TSPAN12: variants seen among roughly 807,000 people sequenced by gnomAD.
TSPAN12 encodes the protein tetraspanin-12.
Under a neutral mutation model 39.2 loss-of-function variants are expected in TSPAN12, and 19 were observed. That is an observed-to-expected ratio of 0.49 (90% CI 0.34 to 0.71). TSPAN12 has a LOEUF of 0.71. Ranked by LOEUF, TSPAN12 falls within the 30% of genes least tolerant of loss-of-function variation. The pLI is 0.01. For missense variants in TSPAN12, 314 were observed against 359.9 expected (o/e 0.87, Z 1.03); for synonymous variants, 119 against 124.8 (o/e 0.95, Z 0.31).
chr7:120,815,643 C>A (rs150457239), intron 5 of TSPAN12, 86 bp downstream of exon 5: 8 of 1,196,322 alleles, frequency 6.7e-6, no homozygotes, highest in Admixed American at 3.8e-5. Flanking sequence ...TCTTTCATAG[C>A]GGAGTGAAAA....
chr7:120,849,277 CAT>C (rs555085981), intron 2 of TSPAN12, among the ~76,000 whole-genome samples: 5 of 152,198 alleles, frequency 3.3e-5, no homozygotes, highest in Non-Finnish European at 5.9e-5. Context: ...TATTTGGAAA[CAT>C]AAAATTTGCA....
intron 4 of TSPAN12, among the ~76,000 whole-genome samples, chr7:120,828,533 C>G (rs772583394): frequency 6.6e-6 from 1 of 152,118 alleles, no homozygotes; most frequent in Non-Finnish European, 1.5e-5. Flanking sequence ...CCACTGTCCA[C>G]CAACCACTCA....
chr7:120,799,514 A>T (rs1397965862), intron 7 of TSPAN12, among the ~76,000 whole-genome samples: 2 of 105,804 alleles, frequency 1.9e-5, no homozygotes, highest in African/African-American at 7.6e-5. Flanking sequence ...AATTAATTAT[A>T]TATAATTAAT....
At position 120,833,869 on chromosome 7, in the gene TSPAN12, G is replaced by A. The variant is rs998895994; in HGVS notation, c.285+4908C>T. Among the ~76,000 whole-genome samples, 13 of 152,060 alleles carry A rather than the reference G, an allele frequency of 8.5e-5. 1 individual carries two copies. Among genetic ancestry groups the A allele is most frequent in the South Asian group, 4.1e-4 (2 of 4,824 alleles). On this transcript the variant is annotated intron_variant, in intron 4 of 7. Transcript: ENST00000222747. The stretch of plus-strand genomic sequence containing the variant: ...TGCAATAACAAATGAATTTCATTTC[G>A]TCTACAGCTAAAGCCTTGGGAAGTA...
intron 2 of TSPAN12, among the ~76,000 whole-genome samples, chr7:120,842,934 C>T (rs1288894529): frequency 6.6e-6 from 1 of 151,650 alleles, no homozygotes; most frequent in Non-Finnish European, 1.5e-5. Context: ...TTTAAAAACC[C>T]TTTCTGAAAT....
intron 4 of TSPAN12, among the ~76,000 whole-genome samples, chr7:120,824,403 T>C (rs1037026578): frequency 6.6e-6 from 1 of 151,894 alleles, no homozygotes; most frequent in African/African-American, 2.4e-5. Flanking sequence ...GATGGTACCA[T>C]TGCACTCTAG....
chr7:120,822,656 G>A (rs1794209513), intron 4 of TSPAN12, among the ~76,000 whole-genome samples: 1 of 152,018 alleles, frequency 6.6e-6, no homozygotes, highest in Non-Finnish European at 1.5e-5. Context: ...CCTGAGGTGG[G>A]GATAAAGAGA....
intron 7 of TSPAN12, among the ~76,000 whole-genome samples, chr7:120,792,592 C>G (rs965001937): frequency 1.8e-4 from 27 of 152,254 alleles, no homozygotes; most frequent in Admixed American, 1.3e-3. Flanking sequence ...TCTGTGCACC[C>G]TTGGTAAAGG....
At chr7:120,849,145 A>G (rs1041110449) in intron 2 of TSPAN12, among the ~76,000 whole-genome samples, 2 of 152,244 alleles carry the variant, frequency 1.3e-5, no homozygotes, top group Non-Finnish European at 2.9e-5. Flanking sequence ...CTGAAGCTCA[A>G]GGAGATATTT....
At chr7:120,845,328 C>G (rs1794650649) in intron 2 of TSPAN12, among the ~76,000 whole-genome samples, 1 of 152,190 alleles carries the variant, frequency 6.6e-6, no homozygotes, top group African/African-American at 2.4e-5. Context: ...ATATTCAGCT[C>G]CCCTTTGCTT....
At chr7:120,838,376 T>G (rs1794517961) in intron 4 of TSPAN12, among the ~76,000 whole-genome samples, 1 of 152,188 alleles carries the variant, frequency 6.6e-6, no homozygotes, top group African/African-American at 2.4e-5. Flanking sequence ...ATTACATACG[T>G]CTGCTACCTC....
intron 7 of TSPAN12, among the ~76,000 whole-genome samples, chr7:120,804,649 C>A (rs1793834660): frequency 6.6e-6 from 1 of 152,018 alleles, no homozygotes; most frequent in Non-Finnish European, 1.5e-5. Context: ...TTGAATAATT[C>A]TTGTGATTGG....
chr7:120,801,889 C>T (rs1455383398), intron 7 of TSPAN12, among the ~76,000 whole-genome samples: 1 of 151,944 alleles, frequency 6.6e-6, no homozygotes, highest in African/African-American at 2.4e-5. Context: ...GCTCTTATTT[C>T]CTGGAAAAAA....
chr7:120,855,434 A>G (rs1019909157), intron 2 of TSPAN12, among the ~76,000 whole-genome samples: 2 of 152,244 alleles, frequency 1.3e-5, no homozygotes, highest in Admixed American at 1.3e-4. Context: ...AACAGGAGTG[A>G]TAATTATCAT....
chr7:120,789,363 G>A (rs1793476000), intron 7 of TSPAN12, among the ~76,000 whole-genome samples: 1 of 152,262 alleles, frequency 6.6e-6, no homozygotes, highest in South Asian at 2.1e-4. Context: ...ACATAAAAAG[G>A]CATTAGGCCA....
intron 7 of TSPAN12, 69 bp from the exon 8 acceptor site, chr7:120,788,966 GCAAA>G: frequency 6.7e-7 from 1 of 1,486,804 alleles, no homozygotes; most frequent in East Asian, 2.3e-5. Flanking sequence ...GTTAATGAAA[GCAAA>G]CAATCTGTAT....
chr7:120,848,656 C>T (rs1188926962), intron 2 of TSPAN12, among the ~76,000 whole-genome samples: 2 of 151,990 alleles, frequency 1.3e-5, no homozygotes, highest in Non-Finnish European at 2.9e-5. Context: ...CAGGAGTATA[C>T]CCAAACATTG....
At position 120,839,884 on chromosome 7, in the gene TSPAN12, A is replaced by G. The variant is rs1163917660; in HGVS notation, c.149+143T>C. ...CGCACCTTAAGGAGAATTCTGGAGG[A>G]TGCAAGTGTCTGTGACAAAGGTTGC... On this transcript the variant is annotated intron_variant, in intron 3 of 7. Transcript: ENST00000222747. The G allele has an allele frequency of 2.2e-5, 15 of 687,956 alleles. No individual in the cohort carries two copies. In the Admixed American group the frequency reaches 3.2e-4, roughly 15 times the overall value. 42.6% of individuals were successfully genotyped at this position (687,956 alleles called of 1,614,324 possible).
chr7:120,809,134 C>A (rs1793929749), intron 6 of TSPAN12, among the ~76,000 whole-genome samples: 1 of 151,910 alleles, frequency 6.6e-6, no homozygotes, highest in Non-Finnish European at 1.5e-5. Flanking sequence ...ATAAAATAGT[C>A]TTATGATAAT....
Sources: allele counts gnomAD v4.1 joint callset (sites outside exome capture counted in the v4.1 genomes callset), GRCh38; gene constraint gnomAD v4.1.1; transcripts MANE v1.5; gene names NCBI Gene and HGNC (gene_info 2026-07-23, HGNC 2026-07-21).